TRIM44: variants seen among roughly 807,000 people sequenced by gnomAD.
TRIM44 encodes the protein tripartite motif containing 44.
A neutral mutation model predicts 37.4 loss-of-function variants in TRIM44; 13 were observed. The observed-to-expected ratio is 0.35, with a 90% CI of 0.23 to 0.55. TRIM44 has a LOEUF of 0.55. TRIM44 is among the 20% of genes least tolerant of loss of function. The probability of loss-of-function intolerance (pLI) is 0.89; values close to 1 mark genes in which losing one functional copy is unlikely to be tolerated. For synonymous variants in TRIM44, 175 were observed against 157.2 expected (o/e 1.11, Z -0.85); for missense variants, 426 against 437.2 (o/e 0.97, Z 0.23).
chr11:35,725,106 C>A (rs1013134861), intron 2 of TRIM44, among the ~76,000 whole-genome samples: 21 of 138,150 alleles, frequency 1.5e-4, no homozygotes, highest in Admixed American at 1.1e-3. Flanking sequence ...ACACACACAC[C>A]CTCCATCTCC....
chr11:35,709,516 A>T (rs183698294), intron 2 of TRIM44, among the ~76,000 whole-genome samples: 1 of 152,330 alleles, frequency 6.6e-6, no homozygotes, highest in African/African-American at 2.4e-5. Context: ...ACCCAGTCAG[A>T]TGTAAGAGGC....
rs1188135702 is a variant in TRIM44 at position 35,812,368 on chromosome 11, C to G, written c.*5983C>G. On this transcript the variant is annotated 3_prime_UTR_variant, in exon 5 of 5. Coordinates refer to ENST00000299413, the MANE Select transcript of TRIM44 (RefSeq NM_017583.6). ...TGCTTGAAGTCAGTAACAGACTGCA[C>G]TAAGTGTCTGTGCTTGTTAACTATT... 1 of 152,184 alleles carries G rather than the reference C, an allele frequency of 6.6e-6. No homozygotes were observed. Among genetic ancestry groups the G allele is most frequent in the African/African-American group, 2.4e-5 (1 of 41,454 alleles). The allele number at this position is 152,184 out of a possible 1,614,324, so 9.4% of individuals were successfully genotyped here. A position where few individuals can be genotyped will look rare whatever the true frequency, so the allele number is the denominator to read the frequency against.
intron 2 of TRIM44, among the ~76,000 whole-genome samples, chr11:35,712,922 TTC>T (rs1851996700): frequency 6.6e-6 from 1 of 152,192 alleles, no homozygotes; most frequent in Non-Finnish European, 1.5e-5. Context: ...TCCTTCCTCT[TTC>T]CCTGTTAGTT....
intron 4 of TRIM44, among the ~76,000 whole-genome samples, chr11:35,778,379 G>C (rs1853003178): frequency 6.6e-6 from 1 of 152,054 alleles, no homozygotes; most frequent in Non-Finnish European, 1.5e-5. Context: ...AAGGTTTTTA[G>C]CTTCTTTGCG....
At chr11:35,663,828 G>A in intron 1 of TRIM44, 48 bp downstream of exon 1, 1 of 1,545,954 alleles carries the variant, frequency 6.5e-7, no homozygotes, top group Non-Finnish European at 8.7e-7. Context: ...AGGACACCTG[G>A]GTTTCAACTC....
intron 4 of TRIM44, among the ~76,000 whole-genome samples, chr11:35,738,807 G>A (rs1852357049): frequency 6.6e-6 from 1 of 152,158 alleles, no homozygotes; most frequent in Non-Finnish European, 1.5e-5. Flanking sequence ...GAGAAATGAA[G>A]CCGGAGACAC....
At chr11:35,794,079 G>T (rs1853251634) in intron 4 of TRIM44, among the ~76,000 whole-genome samples, 1 of 152,150 alleles carries the variant, frequency 6.6e-6, no homozygotes, top group South Asian at 2.1e-4. Flanking sequence ...GCTGGAATGG[G>T]GTCTCAAAAC....
intron 1 of TRIM44, among the ~76,000 whole-genome samples, chr11:35,684,574 G>C (rs2135490354): frequency 6.6e-6 from 1 of 152,308 alleles, no homozygotes; most frequent in East Asian, 1.9e-4. Flanking sequence ...TTATAGAAGG[G>C]GGAGAAGGTT....
rs188099308 is a variant in TRIM44 at position 35,726,207 on chromosome 11, G to A, written c.987+44G>A. ...ATTATTAGTAGCAAGAGAAATAGGA[G>A]GAAACTGATGCCATATTTGTTAGAC... On this transcript the variant is annotated intron_variant, in intron 3 of 4. Transcript: ENST00000299413. The A allele has an allele frequency of 8.4e-5, 135 of 1,601,868 alleles. No individual in the cohort carries two copies. In the Admixed American group the frequency reaches 1.9e-3, roughly 23 times the overall value.
intron 4 of TRIM44, among the ~76,000 whole-genome samples, chr11:35,740,409 G>T (rs972438135): frequency 6.6e-6 from 1 of 152,146 alleles, no homozygotes; most frequent in African/African-American, 2.4e-5. Flanking sequence ...GAAGGAGGAA[G>T]ATCAGGATTA....
intron 4 of TRIM44, among the ~76,000 whole-genome samples, chr11:35,741,013 G>A (rs946005560): frequency 6.6e-6 from 1 of 152,094 alleles, no homozygotes; most frequent in African/African-American, 2.4e-5. Flanking sequence ...AGATGAAAGA[G>A]GACTAAGTTA....
At chr11:35,735,815 T>A (rs950241089) in intron 4 of TRIM44, among the ~76,000 whole-genome samples, 2 of 152,146 alleles carry the variant, frequency 1.3e-5, no homozygotes, top group Non-Finnish European at 2.9e-5. Flanking sequence ...TTGATTTTTT[T>A]AATGGGCTCT....
At chr11:35,682,019 AGT>A (rs1204078175) in intron 1 of TRIM44, among the ~76,000 whole-genome samples, 14 of 128,524 alleles carry the variant, frequency 1.1e-4, no homozygotes, top group African/African-American at 4.3e-4. Flanking sequence ...AGTGCAGTGG[AGT>A]GATCTTGGCT....
intron 1 of TRIM44, 139 bp from the exon 2 acceptor site, chr11:35,685,120 T>C (rs1041009480): frequency 6.2e-6 from 4 of 646,840 alleles, no homozygotes; most frequent in African/African-American, 1.8e-5. Context: ...AGAGGGGCAA[T>C]GCACCTCTCC....
At chr11:35,781,357 A>G (rs1446911487) in intron 4 of TRIM44, among the ~76,000 whole-genome samples, 2 of 152,182 alleles carry the variant, frequency 1.3e-5, no homozygotes, top group African/African-American at 4.8e-5. Context: ...CAGCGGGGCT[A>G]GTAATCTTAC....
At position 35,817,926 on chromosome 11, in the gene TRIM44, C is replaced by G. The variant is rs1853597698; in HGVS notation, c.*11541C>G. 6.6e-6 allele frequency: 1 copy of G among 152,180 alleles called. No individual in the cohort carries two copies. Among genetic ancestry groups the G allele is most frequent in the South Asian group, 2.1e-4 (1 of 4,824 alleles). The allele number at this position is 152,180 out of a possible 1,614,324, so 9.4% of individuals were successfully genotyped here. A position where few individuals can be genotyped will look rare whatever the true frequency, so the allele number is the denominator to read the frequency against. ...ATGATTGTAAGTTTCCTGAAGCCTC[C>G]CTAGAAGCTGAGCAGATGCCAGCAT... is the stretch of plus-strand genomic sequence containing the variant. On this transcript the variant is annotated 3_prime_UTR_variant, in exon 5 of 5. Transcript: ENST00000299413.
intron 1 of TRIM44, among the ~76,000 whole-genome samples, chr11:35,665,044 A>G (rs185806883): frequency 7.2e-5 from 11 of 152,326 alleles, no homozygotes; most frequent in Admixed American, 2.0e-4. Flanking sequence ...GAGTCATCCT[A>G]TGAGTGACTG....
intron 4 of TRIM44, among the ~76,000 whole-genome samples, chr11:35,763,091 A>C (rs376055282): frequency 2.6e-5 from 4 of 152,214 alleles, no homozygotes; most frequent in Non-Finnish European, 5.9e-5. Context: ...GATCAGCTTT[A>C]GCTCTGCTCC....
chr11:35,697,962 T>C, intron 2 of TRIM44, among the ~76,000 whole-genome samples: 1 of 150,094 alleles, frequency 6.7e-6, no homozygotes, highest in Non-Finnish European at 1.5e-5. Flanking sequence ...CCTTTGGGTA[T>C]ATACCCAGTA....
Sources: allele counts gnomAD v4.1 joint callset (sites outside exome capture counted in the v4.1 genomes callset), GRCh38; gene constraint gnomAD v4.1.1; transcripts MANE v1.5; gene names NCBI Gene and HGNC (gene_info 2026-07-23, HGNC 2026-07-21).